SLC5A4: variants seen among roughly 807,000 people sequenced by gnomAD.
SLC5A4 encodes solute carrier family 5 member 4, also known as probable glucose sensor protein SLC5A4.
SLC5A4 carries 55 observed loss-of-function variants against 70.3 expected under a neutral mutation model. That is an observed-to-expected ratio of 0.78 (90% CI 0.63 to 0.98). The LOEUF (loss-of-function observed/expected upper bound fraction) is 0.98. SLC5A4 is among the 50% of genes least tolerant of loss of function. The pLI, the probability that SLC5A4 is intolerant of heterozygous loss-of-function variation, is 0.00. For synonymous variants in SLC5A4, 268 were observed against 305.7 expected, an observed-to-expected ratio of 0.88 and a Z score of 1.29; for missense variants, 735 against 839.2, an observed-to-expected ratio of 0.88 and a Z score of 1.53.
chr22:32,269,844 A>T, the SLC5A4 span: 4 of 634,810 alleles, frequency 6.3e-6, no homozygotes, highest in East Asian at 3.9e-5. This position sits in a 1 kb window ranked among gnomAD's most constrained non-coding sequence, Gnocchi z 4.1. Context: ...TCAGATCTAC[A>T]TGCTGACCCT....
chr22:32,222,680 T>C (rs986569277), intron 13 of SLC5A4, among the ~76,000 whole-genome samples: 12 of 152,218 alleles, frequency 7.9e-5, no homozygotes, highest in Non-Finnish European at 1.6e-4. Flanking sequence ...TTCAGTGACA[T>C]GTCCTTCGTA....
At chr22:32,291,180 T>TCC in the SLC5A4 span, among the ~76,000 whole-genome samples, 2 of 137,570 alleles carry the variant, frequency 1.5e-5, no homozygotes, top group East Asian at 2.1e-4. Context: ...ATTGTTCTCT[T>TCC]TTTATATACT....
At chr22:32,233,065 C>T in intron 8 of SLC5A4, 31 bp from the exon 9 acceptor site, 2 of 1,600,040 alleles carry the variant, frequency 1.2e-6, no homozygotes, top group Middle Eastern at 1.7e-4. Context: ...ACTCATGAAA[C>T]AAGCCAGGGG....
the SLC5A4 span, among the ~76,000 whole-genome samples, chr22:32,326,141 G>A: frequency 6.6e-6 from 1 of 152,224 alleles, no homozygotes. Context: ...AAAAGCAGAG[G>A]AGTCATGAGG....
Position 32,224,258 on chromosome 22 carries a change from A to G in SLC5A4, c.1665+9T>C. 1 of 1,592,878 alleles carries G rather than the reference A, an allele frequency of 6.3e-7. No homozygotes were observed. Among genetic ancestry groups the G allele is most frequent in the South Asian group, 1.1e-5 (1 of 90,492 alleles). On this transcript the variant is annotated intron_variant, in intron 13 of 14. Transcript: ENST00000266086. ...TAAAATTAGCATGTATTCATTACTC[A>G]TCACTCACATGTACATCAGGAATGG...
chr22:32,256,663 A>AAATCATAC (rs1927505400), upstream of SLC5A4, among the ~76,000 whole-genome samples: 1 of 152,256 alleles, frequency 6.6e-6, no homozygotes, highest in African/African-American at 2.4e-5. Context: ...CATACAAATG[A>AAATCATAC]AATCATACAA....
chr22:32,330,454 GGT>G, the SLC5A4 span, among the ~76,000 whole-genome samples: 5,326 of 84,454 alleles, frequency 0.063, 439 homozygotes, highest in Non-Finnish European at 0.1. Flanking sequence ...GAGGCTCTGG[GGT>G]GTGTGTGTGT....
Position 32,229,224 on chromosome 22 carries a change from G to A in SLC5A4, c.1250C>T (p.Ala417Val), listed in dbSNP as rs758108963. The change falls in exon 11 of 15, where the codon GCG (alanine) becomes GTG (valine). Residue 417 changes from alanine to valine, a missense_variant. Ala to Val is a moderately conservative substitution (Grantham distance 64). Transcript: ENST00000266086. ...IDLYTKMRKQASEKELLIAGR... is the reference protein window; with the variant it reads ...IDLYTKMRKQVSEKELLIAGR... ...AGCTATCAGGAGCTCTTTCTCCGACGCTTGCTTCCGCATCTTGGTGTAGAG... is the reference window on the plus strand; with the variant it reads ...AGCTATCAGGAGCTCTTTCTCCGACACTTGCTTCCGCATCTTGGTGTAGAG... 6.8e-6 allele frequency: 11 copies of A among 1,613,908 alleles called. No individual in the cohort carries two copies. Among genetic ancestry groups the A allele is most frequent in the South Asian group, 2.2e-5 (2 of 91,056 alleles).
At chr22:32,336,865 T>C in the SLC5A4 span, among the ~76,000 whole-genome samples, 1 of 152,234 alleles carries the variant, frequency 6.6e-6, no homozygotes, top group Non-Finnish European at 1.5e-5. Context: ...TGTCTTTCTG[T>C]TCCCAGAACT....
At chr22:32,271,654 G>A in the SLC5A4 span, 1 of 600,066 alleles carries the variant, frequency 1.7e-6, no homozygotes, top group African/African-American at 1.9e-5. Context: ...CACCTCACTG[G>A]CTCCTGGCGA....
chr22:32,254,143 G>A lies in SLC5A4; in HGVS notation c.206C>T (p.Pro69Leu), dbSNP rs763808657. 5 of 1,612,932 alleles carry A rather than the reference G, an allele frequency of 3.1e-6. No individual in the cohort carries two copies. Among genetic ancestry groups the A allele is most frequent in the Admixed American group, 1.7e-5 (1 of 60,020 alleles). Residue 69 changes from proline (P) to leucine (L), a missense_variant and splice_region_variant, in exon 2 of 15, where the codon CCG becomes CTG. Coordinates refer to ENST00000266086, the MANE Select transcript of SLC5A4 (RefSeq NM_014227.3). ...TCCAGAAAACTTCGATCCACTTACC[G>A]GCCACCAGGCCATATCACGACCAGC... Reference protein sequence around the residue: ...FLAGRDMAWWPMGASLFASNI... With the variant: ...FLAGRDMAWWLMGASLFASNI...
At chr22:32,352,162 C>G in the SLC5A4 span, among the ~76,000 whole-genome samples, 1 of 150,418 alleles carries the variant, frequency 6.6e-6, no homozygotes, top group South Asian at 2.1e-4. Flanking sequence ...CAAACTATCA[C>G]AAGGACAAAA....
At chr22:32,226,903 G>A (rs374484235) in intron 11 of SLC5A4, among the ~76,000 whole-genome samples, 37 of 151,980 alleles carry the variant, frequency 2.4e-4, no homozygotes, top group African/African-American at 7.7e-4. Context: ...ATGTGACTGT[G>A]GGAGGAAAGC....
At chr22:32,243,355 A>G (rs1264104679) in intron 5 of SLC5A4, among the ~76,000 whole-genome samples, 2 of 152,244 alleles carry the variant, frequency 1.3e-5, no homozygotes, top group African/African-American at 2.4e-5. Flanking sequence ...ACACTTGGCA[A>G]GTGAATGTAG....
At chr22:32,343,107 T>C in the SLC5A4 span, 3 of 152,376 alleles carry the variant, frequency 2.0e-5, no homozygotes, top group South Asian at 2.1e-4. Flanking sequence ...ATTCTGAAGG[T>C]GACAAAGGTC....
the SLC5A4 span, among the ~76,000 whole-genome samples, chr22:32,293,351 ATTC>A: frequency 6.6e-6 from 1 of 151,894 alleles, no homozygotes; most frequent in Non-Finnish European, 1.5e-5. Context: ...CCTGTTTTAT[ATTC>A]TTCTTTCTTC....
chr22:32,322,859 C>T, the SLC5A4 span, among the ~76,000 whole-genome samples: 1 of 152,152 alleles, frequency 6.6e-6, no homozygotes, highest in East Asian at 1.9e-4. Flanking sequence ...ACCCAAGGTT[C>T]TTCTGATCTT....
the SLC5A4 span, among the ~76,000 whole-genome samples, chr22:32,330,762 G>GGT: frequency 2.7e-5 from 1 of 37,176 alleles, no homozygotes; most frequent in East Asian, 9.3e-4. Context: ...GGAAGCTCTG[G>GGT]TGTATGTGTT....
the SLC5A4 span, among the ~76,000 whole-genome samples, chr22:32,307,626 G>C: frequency 6.6e-6 from 1 of 152,184 alleles, no homozygotes; most frequent in African/African-American, 2.4e-5. Flanking sequence ...TGAGCTTTTC[G>C]GGTCACAACC....
Sources: gnomAD v4.1 joint callset for allele counts (sites outside exome capture counted in the v4.1 genomes callset) on GRCh38, gnomAD v4.1.1 for gene constraint, Gnocchi (gnomAD v3.1) non-coding constraint, MANE v1.5 for transcripts, NCBI Gene and HGNC (gene_info 2026-07-23, HGNC 2026-07-21) for gene names.